The following SGCZ variants were observed in gnomAD, a reference collection of about 807,000 sequenced individuals.
SGCZ encodes the protein sarcoglycan zeta, also known as zeta-sarcoglycan.
A neutral mutation model predicts 41.3 loss-of-function variants in SGCZ; 40 were observed. That is an observed-to-expected ratio of 0.97 (90% CI 0.75 to 1.26). SGCZ has a LOEUF of 1.26. SGCZ is among the 50% of genes most tolerant of loss of function. The pLI is 0.00. For missense variants in SGCZ, 552 were observed against 369.8 expected (o/e 1.49, Z -4.04); for synonymous variants, 206 against 137.5 (o/e 1.50, Z -3.49).
chr8:14,390,495 G>C (rs1804732352), intron 2 of SGCZ, among the ~76,000 whole-genome samples: 1 of 151,592 alleles, frequency 6.6e-6, no homozygotes, highest in East Asian at 1.9e-4. Context: ...AAACACAGAG[G>C]ATAAATTCCA....
intron 1 of SGCZ, among the ~76,000 whole-genome samples, chr8:14,996,139 G>A (rs976882206): frequency 2.0e-5 from 3 of 152,074 alleles, no homozygotes; most frequent in Non-Finnish European, 2.9e-5. Flanking sequence ...TCCTGACCTC[G>A]TGATCTGCCC....
At chr8:15,069,433 A>AT (rs1252114372) in intron 1 of SGCZ, among the ~76,000 whole-genome samples, 3 of 152,210 alleles carry the variant, frequency 2.0e-5, no homozygotes, top group African/African-American at 7.2e-5. Context: ...TAAGGGTTGT[A>AT]TTTTCCAAGT....
At chr8:14,803,956 A>C (rs998565038) in intron 1 of SGCZ, among the ~76,000 whole-genome samples, 2 of 119,986 alleles carry the variant, frequency 1.7e-5, no homozygotes, top group South Asian at 2.8e-4. Context: ...GAGGCACCCC[A>C]CAGCATGGGC....
At chr8:14,369,754 A>G (rs1205430873) in intron 2 of SGCZ, among the ~76,000 whole-genome samples, 2 of 151,898 alleles carry the variant, frequency 1.3e-5, no homozygotes, top group African/African-American at 4.8e-5. Context: ...TTGCTATTCT[A>G]CTATAAATAC....
chr8:14,602,641 T>A (rs1159725055), intron 1 of SGCZ, among the ~76,000 whole-genome samples: 1 of 152,230 alleles, frequency 6.6e-6, no homozygotes, highest in Non-Finnish European at 1.5e-5. Flanking sequence ...CAATTCTTCT[T>A]TGAAGCCAAT....
intron 3 of SGCZ, among the ~76,000 whole-genome samples, chr8:14,292,224 C>T (rs12114752): frequency 0.93 from 141,669 of 152,032 alleles, 66,750 homozygotes; most frequent in East Asian, 1. Flanking sequence ...ATTCTTCAAA[C>T]AAGAAAATGA....
chr8:14,165,400 C>T (rs1300914527), intron 4 of SGCZ: 2 of 152,126 alleles, frequency 1.3e-5, no homozygotes, highest in African/African-American at 4.8e-5. Context: ...ATACACAAAA[C>T]TCAAAGCCAG....
At chr8:14,371,246 G>A (rs1803898811) in intron 2 of SGCZ, among the ~76,000 whole-genome samples, 1 of 151,694 alleles carries the variant, frequency 6.6e-6, no homozygotes, top group Admixed American at 6.6e-5. Context: ...CATTCTTATG[G>A]GACAATTAGT....
intron 4 of SGCZ, among the ~76,000 whole-genome samples, chr8:14,202,546 C>T (rs1805489370): frequency 6.6e-6 from 1 of 151,756 alleles, no homozygotes; most frequent in Admixed American, 6.6e-5. Context: ...TTTTAATACC[C>T]TACATTGACA....
At chr8:14,492,624 A>C (rs137966877) in intron 2 of SGCZ, among the ~76,000 whole-genome samples, 44 of 152,228 alleles carry the variant, frequency 2.9e-4, no homozygotes, top group Non-Finnish European at 4.7e-4. Context: ...ATTTCTCACT[A>C]ACTTTTCTTG....
intron 1 of SGCZ, among the ~76,000 whole-genome samples, chr8:14,596,265 C>G (rs1450103485): frequency 6.6e-6 from 1 of 152,136 alleles, no homozygotes; most frequent in Non-Finnish European, 1.5e-5. Flanking sequence ...TATGGCAAAA[C>G]TAGAAGGTTG....
chr8:14,250,128 C>G (rs537684298), intron 3 of SGCZ, among the ~76,000 whole-genome samples: 1 of 152,184 alleles, frequency 6.6e-6, no homozygotes, highest in Non-Finnish European at 1.5e-5. Context: ...GCAGATTACT[C>G]TTTGAGTAGA....
chr8:14,570,122 T>G (rs767397470), intron 1 of SGCZ, among the ~76,000 whole-genome samples: 1 of 152,130 alleles, frequency 6.6e-6, no homozygotes, highest in Non-Finnish European at 1.5e-5. Context: ...TCCATTAGAA[T>G]ATAAGCCATA....
intron 1 of SGCZ, among the ~76,000 whole-genome samples, chr8:15,136,867 G>A (rs1213728631): frequency 6.6e-6 from 1 of 152,154 alleles, no homozygotes; most frequent in Non-Finnish European, 1.5e-5. Context: ...AGAGTGAGGT[G>A]CTCATATAAG....
intron 1 of SGCZ, among the ~76,000 whole-genome samples, chr8:14,581,918 C>G (rs1804902782): frequency 6.6e-6 from 1 of 152,120 alleles, no homozygotes; most frequent in South Asian, 2.1e-4. Context: ...GACTTTTTCA[C>G]TAAAAGTTAG....
chr8:15,095,021 C>T (rs945239813), intron 1 of SGCZ, among the ~76,000 whole-genome samples: 26 of 152,142 alleles, frequency 1.7e-4, no homozygotes, highest in Admixed American at 1.5e-3. Flanking sequence ...TCACCCAAAA[C>T]GAATGCACTC....
At chr8:14,722,429 G>A (rs1375771817) in intron 1 of SGCZ, among the ~76,000 whole-genome samples, 1 of 151,544 alleles carries the variant, frequency 6.6e-6, no homozygotes, top group African/African-American at 2.4e-5. Context: ...TTAAAAATGT[G>A]GATTTATTAA....
chr8:14,886,966 G>T (rs1361446696), intron 1 of SGCZ, among the ~76,000 whole-genome samples: 2 of 152,044 alleles, frequency 1.3e-5, no homozygotes, highest in African/African-American at 4.8e-5. Context: ...TACAGTGGGG[G>T]GTAAGAGAAT....
At chr8:14,186,109 C>T (rs534965241) in intron 4 of SGCZ, among the ~76,000 whole-genome samples, 1 of 152,300 alleles carries the variant, frequency 6.6e-6, no homozygotes, top group East Asian at 1.9e-4. Flanking sequence ...AGTAATTTAG[C>T]GCTCTACTAC....
Sources: gnomAD v4.1 joint callset for allele counts (sites outside exome capture counted in the v4.1 genomes callset) on GRCh38, gnomAD v4.1.1 for gene constraint, MANE v1.5 for transcripts, NCBI Gene and HGNC (gene_info 2026-07-23, HGNC 2026-07-21) for gene names.